FREM1: variants seen among roughly 807,000 people sequenced by gnomAD.
FREM1 encodes FRAS1-related extracellular matrix protein 1.
FREM1 carries 220 observed loss-of-function variants against 210.1 expected under a neutral mutation model. That is an observed-to-expected ratio of 1.05 (90% confidence interval 0.94 to 1.17). The LOEUF (loss-of-function observed/expected upper bound fraction) is 1.17. Ranked by LOEUF, FREM1 falls within the 50% of genes most tolerant of loss-of-function variation. The pLI is 0.00. For synonymous variants in FREM1, 1,189 were observed against 980.2 expected (o/e 1.21, Z -3.98); for missense variants, 3,454 against 2,675.5 (o/e 1.29, Z -6.42).
intron 3 of FREM1, among the ~76,000 whole-genome samples, chr9:14,860,763 A>ACATATATACACATATATACACATATATT (rs1564101256): frequency 1.9e-5 from 2 of 104,764 alleles, no homozygotes; most frequent in Admixed American, 1.1e-4. Flanking sequence ...ATATATATGC[A>ACATATATACACATATATACACATATATT]CATATATACA....
chr9:14,737,864 T>A (rs1386950746), intron 36 of FREM1, among the ~76,000 whole-genome samples: 2 of 152,166 alleles, frequency 1.3e-5, no homozygotes, highest in African/African-American at 4.8e-5. Context: ...GGAATGGGCA[T>A]AAAAATAGTA....
chr9:14,737,466 T>C lies in FREM1; in HGVS notation c.6470A>G (p.Gln2157Arg). The C allele has an allele frequency of 6.2e-7, 1 of 1,613,898 alleles. No homozygotes were observed. The highest frequency in any genetic ancestry group is 8.5e-7 in the Non-Finnish European group (1 of 1,179,846). Residue 2157 changes from glutamine to arginine, a missense_variant, in exon 37 of 37, where the codon CAA becomes CGA. Gln to Arg is a conservative substitution (Grantham distance 43). Transcript: ENST00000380880. ...LGKSCVLVQR[Q>R]GKWQTKDCRR... ...ACAGTCTTTTGTTTGCCATTTCCCT[T>C]GTCTTTGAACCAAAACACAGCTCTT...
chr9:14,819,801 T>C (rs1424083386), intron 13 of FREM1, among the ~76,000 whole-genome samples: 1 of 152,214 alleles, frequency 6.6e-6, no homozygotes, highest in Non-Finnish European at 1.5e-5. Context: ...CACTGTTCAA[T>C]ACACATACAG....
intron 2 of FREM1, among the ~76,000 whole-genome samples, chr9:14,867,390 T>C (rs1199600779): frequency 6.6e-6 from 1 of 152,188 alleles, no homozygotes. Context: ...GGGAATACAA[T>C]GGCTAATATG....
At chr9:14,742,672 C>A (rs1841780953) in intron 35 of FREM1, among the ~76,000 whole-genome samples, 1 of 152,130 alleles carries the variant, frequency 6.6e-6, no homozygotes, top group East Asian at 1.9e-4. Context: ...GGAATTTGAT[C>A]ATACCTTAGG....
At chr9:14,761,529 CA>C (rs1358863400) in intron 27 of FREM1, among the ~76,000 whole-genome samples, 2 of 152,112 alleles carry the variant, frequency 1.3e-5, no homozygotes, top group African/African-American at 4.8e-5. Flanking sequence ...GATCAAGAAA[CA>C]GAAATAAATG....
In FREM1 at chr9:14,819,296, A is replaced by G; in HGVS notation, c.2484T>C (p.Asn828=). ...TGCCCCCTGAATTTAGAGGAAATCC[A>G]TTCAGCTCCACCCTTCCGTGCAGAG... ...ELPLHGRVEL[N]GFPLNSGGTF... Residue 828 remains asparagine (N), a synonymous_variant, in exon 14 of 37, where the codon AAT becomes AAC. Transcript: ENST00000380880. The G allele has an allele frequency of 1.2e-6, 2 of 1,613,990 alleles. No homozygotes were observed. Among genetic ancestry groups the G allele is most frequent in the South Asian group, 2.2e-5 (2 of 91,074 alleles).
rs1432526329 is a variant in FREM1, at chr9:14,861,010, TACATATATAC to T, written c.330-1536_330-1527del. ...ATATATACATATATATACACATATA[TACATATATAC>T]ACATATATACATATATACATATATA... On this transcript the variant is annotated intron_variant, in intron 3 of 36. Coordinates refer to ENST00000380880, the MANE Select transcript of FREM1 (RefSeq NM_001379081.2). 6.8e-4 allele frequency among the ~76,000 whole-genome samples: 77 copies of T among 113,694 alleles called. 3 individuals are homozygous for T. In the South Asian group the frequency reaches 0.019, roughly 28 times the overall value. 74.6% of individuals were successfully genotyped at this position (113,694 alleles called of 152,430 possible). A position where few individuals can be genotyped will look rare whatever the true frequency, so the allele number is the denominator to read the frequency against.
intron 4 of FREM1, among the ~76,000 whole-genome samples, chr9:14,858,427 T>A (rs1829185626): frequency 6.6e-6 from 1 of 151,852 alleles, no homozygotes; most frequent in African/African-American, 2.4e-5. Flanking sequence ...CTTGAAACCC[T>A]GGCCTCAAGC....
intron 1 of FREM1, among the ~76,000 whole-genome samples, chr9:14,901,956 A>G (rs1838863255): frequency 6.6e-6 from 1 of 150,844 alleles, no homozygotes; most frequent in Admixed American, 6.6e-5. Flanking sequence ...GTCTCAAGTG[A>G]TCCTCCCACC....
In FREM1 at chr9:14,819,417, G is replaced by C. The variant is rs765486670; in HGVS notation, c.2363C>G (p.Thr788Ser). The change falls in exon 14 of 37, where the codon ACT becomes AGT. Residue 788 changes from threonine to serine, a missense_variant. Thr to Ser is a moderately conservative substitution (Grantham distance 58, BLOSUM62 1). Transcript: ENST00000380880. Reference sequence around the variant, plus strand: ...GCTGATGATGCTTTGACCTCCCTCAGTCACTTTCAGAGGGTTGGTGAACGC... The same window carrying C: ...GCTGATGATGCTTTGACCTCCCTCACTCACTTTCAGAGGGTTGGTGAACGC... The part of the protein sequence containing the change: ...PEAFTNPLKV[T>S]EGGQSIISTE... 2.5e-6 allele frequency: 4 copies of C among 1,612,704 alleles called. No homozygotes were observed. The highest frequency in any genetic ancestry group is 3.4e-6 in the Non-Finnish European group (4 of 1,179,014).
Position 14,863,842 on chromosome 9 carries a change from A to G in FREM1, c.296T>C (p.Leu99Pro), listed in dbSNP as rs1451256075. The change falls in exon 3 of 37, where the codon CTT (leucine) becomes CCT (proline). Residue 99 changes from leucine (L) to proline (P), a missense_variant. Transcript: ENST00000380880. ...TCTGAGCTTCACTGTGTCTTCATCAAGAATTGGACAACCATTGTGAACATA... is the reference window on the plus strand; with the variant it reads ...TCTGAGCTTCACTGTGTCTTCATCAGGAATTGGACAACCATTGTGAACATA... ...VKYVHNGCPI[L>P]DEDTVKLRLY... 6.2e-7 allele frequency: 1 copy of G among 1,613,394 alleles called. No homozygotes were observed. The highest frequency in any genetic ancestry group is 8.5e-7 in the Non-Finnish European group (1 of 1,179,382).
chr9:14,864,296 G>A (rs1432485542), intron 2 of FREM1, among the ~76,000 whole-genome samples: 1 of 152,198 alleles, frequency 6.6e-6, no homozygotes, highest in Non-Finnish European at 1.5e-5. Flanking sequence ...GTGTCTGCAT[G>A]AAAAGGCATG....
At chr9:14,828,643 C>CGGGGGGG (rs1554687424) in intron 10 of FREM1, among the ~76,000 whole-genome samples, 4 of 53,972 alleles carry the variant, frequency 7.4e-5, no homozygotes, top group Non-Finnish European at 1.7e-4. Flanking sequence ...TGTGGCGGGG[C>CGGGGGGG]GGGGGAGGTG....
chr9:14,785,578 A>G lies in FREM1; in HGVS notation c.4178-944T>C, dbSNP rs528944018. 2.0e-5 allele frequency among the ~76,000 whole-genome samples: 3 copies of G among 152,384 alleles called. No individual in the cohort carries two copies. In the East Asian group the frequency reaches 5.8e-4, roughly 29 times the overall value. On this transcript the variant is annotated intron_variant, in intron 23 of 36. Coordinates refer to ENST00000380880, the MANE Select transcript of FREM1 (RefSeq NM_001379081.2). ...TGAGTGGATAAACAAAATGTGGCAT[A>G]TACATACACTGTAATACCATTCAGC...
intron 15 of FREM1, among the ~76,000 whole-genome samples, chr9:14,816,371 C>T (rs572127204): frequency 1.3e-5 from 2 of 152,242 alleles, no homozygotes; most frequent in Admixed American, 1.3e-4. Flanking sequence ...GTTTCAAGTT[C>T]TGTCAGGACC....
At chr9:14,901,660 T>C (rs957341424) in intron 1 of FREM1, among the ~76,000 whole-genome samples, 13 of 152,360 alleles carry the variant, frequency 8.5e-5, no homozygotes, top group African/African-American at 2.6e-4. Flanking sequence ...TGTCTTATTG[T>C]AGGAAGACCT....
At chr9:14,892,701 A>G (rs1328252692) in intron 1 of FREM1, among the ~76,000 whole-genome samples, 1 of 152,106 alleles carries the variant, frequency 6.6e-6, no homozygotes, top group Non-Finnish European at 1.5e-5. Context: ...TTGAGAGCTG[A>G]TGGAACTGCC....
In FREM1 at chr9:14,756,437, C is replaced by G. The variant is rs1351831397; in HGVS notation, c.5344G>C (p.Val1782Leu). The G allele has an allele frequency of 1.1e-5, 17 of 1,595,616 alleles. No individual in the cohort carries two copies. The highest frequency in any genetic ancestry group is 1.4e-5 in the Non-Finnish European group (16 of 1,170,310). The stretch of plus-strand genomic sequence containing the variant: ...AAATCTTTTCCAACTGCAGCTGACA[C>G]TTGGTTGACCTTAGGAGGGAAAAAA... ...SAFVGIKVNQ[V>L]SAAVGKDFTV... The change falls in exon 29 of 37, where the codon GTG (valine) becomes CTG (leucine). Residue 1782 changes from valine (V) to leucine (L), a missense_variant. Transcript: ENST00000380880.
Sources: gnomAD v4.1 joint callset for allele counts (sites outside exome capture counted in the v4.1 genomes callset) on GRCh38, gnomAD v4.1.1 for gene constraint, MANE v1.5 for transcripts, NCBI Gene and HGNC (gene_info 2026-07-23, HGNC 2026-07-21) for gene names.